SIKE1: variants seen among roughly 807,000 people sequenced by gnomAD.
SIKE1 encodes the protein suppressor of IKBKE 1, also known as suppressor of IKK epsilon.
Under a neutral mutation model 25.8 loss-of-function variants are expected in SIKE1, and 13 were observed. That is an observed-to-expected ratio of 0.50 (90% CI 0.33 to 0.80). The LOEUF (loss-of-function observed/expected upper bound fraction) is 0.80. SIKE1 is among the 30% of genes least tolerant of loss of function. The pLI is 0.02. For synonymous variants in SIKE1, 86 were observed against 95.5 expected (o/e 0.90, Z 0.58); for missense variants, 222 against 252.4 (o/e 0.88, Z 0.82).
At chr1:114,775,847 T>C (rs1662222313) in intron 4 of SIKE1, among the ~76,000 whole-genome samples, 1 of 152,194 alleles carries the variant, frequency 6.6e-6, no homozygotes. Flanking sequence ...CCTATTCTAA[T>C]CAAAATATGA....
chr1:114,776,731 G>T (rs1016597281), intron 3 of SIKE1, among the ~76,000 whole-genome samples: 1 of 151,378 alleles, frequency 6.6e-6, no homozygotes, highest in African/African-American at 2.4e-5. Flanking sequence ...AATACCATTT[G>T]ACCCAGCAAT....
intron 4 of SIKE1, among the ~76,000 whole-genome samples, chr1:114,775,433 G>GT (rs1310983157): frequency 6.6e-6 from 1 of 151,134 alleles, no homozygotes; most frequent in African/African-American, 2.4e-5. Context: ...TTTCTCTCTG[G>GT]TATTTCTCAA....
At chr1:114,779,039 A>G in intron 3 of SIKE1, 103 bp downstream of exon 3, 1 of 1,407,596 alleles carries the variant, frequency 7.1e-7, no homozygotes, top group Non-Finnish European at 9.8e-7. Flanking sequence ...CCTGGTCGAC[A>G]AGAGCCAGAC....
rs974341600 is a variant in SIKE1 at position 114,771,233 on chromosome 1, A to G, written c.*3038T>C. On this transcript the variant is annotated 3_prime_UTR_variant, in exon 5 of 5. Coordinates refer to ENST00000060969, the MANE Select transcript of SIKE1 (RefSeq NM_025073.3). ...ATTATTCCTTTCAGTTGAATCACACATACTCTCAGCTACACCATTCTAGAA... is the reference window on the plus strand; with the variant it reads ...ATTATTCCTTTCAGTTGAATCACACGTACTCTCAGCTACACCATTCTAGAA... 2 of 152,224 alleles carry G rather than the reference A, an allele frequency of 1.3e-5. No homozygotes were observed. Among genetic ancestry groups the G allele is most frequent in the African/African-American group, 4.8e-5 (2 of 41,450 alleles). The allele number at this position is 152,224 out of a possible 1,614,324, so 9.4% of individuals were successfully genotyped here. A position where few individuals can be genotyped will look rare whatever the true frequency, so the allele number is the denominator to read the frequency against.
intron 4 of SIKE1, 121 bp from the exon 5 acceptor site, chr1:114,774,493 A>C (rs908117355): frequency 1.7e-5 from 11 of 633,212 alleles, no homozygotes; most frequent in Admixed American, 3.0e-5. Context: ...TTATGGAAAC[A>C]AAAAATCCAC....
At position 114,773,482 on chromosome 1, in the gene SIKE1, GTTTTT is replaced by G. The variant is rs952678532; in HGVS notation, c.*784_*788del. The G allele has an allele frequency of 2.0e-5, 3 of 151,746 alleles. No homozygotes were observed. Among genetic ancestry groups the G allele is most frequent in the East Asian group, 1.9e-4 (1 of 5,200 alleles). The allele number at this position is 151,746 out of a possible 1,614,324, so 9.4% of individuals were successfully genotyped here. On this transcript the variant is annotated 3_prime_UTR_variant, in exon 5 of 5. Coordinates refer to ENST00000060969, the MANE Select transcript of SIKE1 (RefSeq NM_025073.3). ...ATTGAAAAACTGACTACTTATATTT[GTTTTT>G]TTTATTTTGTGTGTGTTTTTGGCTG... is the stretch of plus-strand genomic sequence containing the variant.
chr1:114,779,253 A>C lies in SIKE1; in HGVS notation c.297T>G (p.Asp99Glu). Residue 99 changes from aspartate to glutamate, a missense_variant, in exon 3 of 5, where the codon GAT becomes GAG. Coordinates refer to ENST00000060969, the MANE Select transcript of SIKE1 (RefSeq NM_025073.3). ...ELWISLEEHQ[D>E]ALELIMSKYR... Reference sequence around the variant, plus strand: ...ATTTGCTCATGATAAGTTCCAAAGCATCCTGGTGTTCCTCCAAGGAAATCC... The same window carrying C: ...ATTTGCTCATGATAAGTTCCAAAGCCTCCTGGTGTTCCTCCAAGGAAATCC... 1.2e-6 allele frequency: 2 copies of C among 1,614,224 alleles called. No homozygotes were observed. The highest frequency in any genetic ancestry group is 1.7e-6 in the Non-Finnish European group (2 of 1,180,036).
chr1:114,774,212 T>G lies in SIKE1; in HGVS notation c.*59A>C. 3 of 1,327,378 alleles carry G rather than the reference T, an allele frequency of 2.3e-6. No homozygotes were observed. Among genetic ancestry groups the G allele is most frequent in the Non-Finnish European group, 3.2e-6 (3 of 925,102 alleles). The allele number at this position is 1,327,378 out of a possible 1,614,324, so 82.2% of individuals were successfully genotyped here. A position where few individuals can be genotyped will look rare whatever the true frequency, so the allele number is the denominator to read the frequency against. Reference sequence around the variant, plus strand: ...AGACACTTAATGGACAGTACTTGAATGGGAAGACAGTAACTTCCTTCCTTG... The same window carrying G: ...AGACACTTAATGGACAGTACTTGAAGGGGAAGACAGTAACTTCCTTCCTTG... On this transcript the variant is annotated 3_prime_UTR_variant, in exon 5 of 5. Transcript: ENST00000060969.
At chr1:114,780,036 A>G in intron 2 of SIKE1, 74 bp downstream of exon 2, 1 of 1,013,682 alleles carries the variant, frequency 9.9e-7, no homozygotes, top group Non-Finnish European at 1.5e-6. Context: ...AAATATATGT[A>G]CACTTTTGTA....
At chr1:114,776,178 AT>A (rs149771758) in intron 4 of SIKE1, among the ~76,000 whole-genome samples, 167 bp downstream of exon 4, 3,072 of 152,244 alleles carry the variant, frequency 0.02, 97 homozygotes, top group African/African-American at 0.069. Flanking sequence ...TGTTTACTAT[AT>A]TTCCTTTCTT....
chr1:114,775,975 C>T (rs1021884117), intron 4 of SIKE1, among the ~76,000 whole-genome samples: 2 of 152,094 alleles, frequency 1.3e-5, no homozygotes, highest in East Asian at 3.9e-4. Flanking sequence ...GTATTTAATT[C>T]TGTAATTCTA....
At position 114,780,103 on chromosome 1, in the gene SIKE1, G is replaced by C. The variant is rs750740268; in HGVS notation, c.265+7C>G. On this transcript the variant is annotated splice_region_variant and intron_variant, in intron 2 of 4. Transcript: ENST00000060969. The stretch of plus-strand genomic sequence containing the variant: ...ACTATTACCAGATATGAAAAGGCCT[G>C]ACTAACCTCTGTTTTCCTGTTGCAA... 6.3e-7 allele frequency: 1 copy of C among 1,598,442 alleles called. No individual in the cohort carries two copies. The highest frequency in any genetic ancestry group is 8.5e-7 in the Non-Finnish European group (1 of 1,171,372).
At chr1:114,778,796 T>C in intron 3 of SIKE1, 1 of 261,192 alleles carries the variant, frequency 3.8e-6, no homozygotes, top group Non-Finnish European at 7.3e-6. Context: ...AAGGCTAACG[T>C]GGGTGGATCG....
chr1:114,775,697 G>C (rs1445095626), intron 4 of SIKE1, among the ~76,000 whole-genome samples: 1 of 151,986 alleles, frequency 6.6e-6, no homozygotes, highest in Non-Finnish European at 1.5e-5. Context: ...TGTAAAGACA[G>C]GGTTCCGCCA....
chr1:114,775,859 A>G (rs1366541692), intron 4 of SIKE1, among the ~76,000 whole-genome samples: 5 of 152,212 alleles, frequency 3.3e-5, no homozygotes, highest in African/African-American at 1.2e-4. Flanking sequence ...AAAATATGAC[A>G]TAAACATAGC....
chr1:114,774,459 A>C, intron 4 of SIKE1, 87 bp from the exon 5 acceptor site: 2 of 901,928 alleles, frequency 2.2e-6, no homozygotes, highest in Non-Finnish European at 3.3e-6. Context: ...AGGAGCAGAA[A>C]ACATTATTTT....
intron 3 of SIKE1, among the ~76,000 whole-genome samples, chr1:114,778,269 C>A (rs963028211): frequency 6.6e-6 from 1 of 152,144 alleles, no homozygotes; most frequent in African/African-American, 2.4e-5. Context: ...AGAACAATTA[C>A]TGAGTCTCCC....
chr1:114,778,897 C>CAAA, intron 3 of SIKE1: 1 of 466,620 alleles, frequency 2.1e-6, no homozygotes, highest in Non-Finnish European at 3.8e-6. Context: ...AAACAAACAA[C>CAAA]CCCACAAAAA....
Position 114,773,214 on chromosome 1 carries a change from C to T in SIKE1, c.*1057G>A, listed in dbSNP as rs1287438241. Reference sequence around the variant, plus strand: ...CATTTGAATCTCAATGTTGCCTACACAGCATTATGAGTGTAATAATTTTCA... The same window carrying T: ...CATTTGAATCTCAATGTTGCCTACATAGCATTATGAGTGTAATAATTTTCA... On this transcript the variant is annotated 3_prime_UTR_variant, in exon 5 of 5. Coordinates refer to ENST00000060969, the MANE Select transcript of SIKE1 (RefSeq NM_025073.3). 6.6e-6 allele frequency: 1 copy of T among 151,838 alleles called. No homozygotes were observed. The highest frequency in any genetic ancestry group is 1.5e-5 in the Non-Finnish European group (1 of 67,978). The allele number at this position is 151,838 out of a possible 1,614,324, so 9.4% of individuals were successfully genotyped here.
Sources: allele counts gnomAD v4.1 joint callset (sites outside exome capture counted in the v4.1 genomes callset), GRCh38; gene constraint gnomAD v4.1.1; transcripts MANE v1.5; gene names NCBI Gene and HGNC (gene_info 2026-07-23, HGNC 2026-07-21).